Variants in TLR3 observed in about 807,000 individuals in gnomAD.
The protein encoded by TLR3 is toll-like receptor 3.
TLR3 carries 43 observed loss-of-function variants against 66.4 expected under a neutral mutation model. The observed-to-expected ratio is 0.65, with a 90% confidence interval of 0.51 to 0.83. TLR3 has a LOEUF of 0.83. TLR3 is among the 40% of genes least tolerant of loss of function. The pLI, the probability that TLR3 is intolerant of heterozygous loss-of-function variation, is 0.00. For synonymous variants in TLR3, 397 were observed against 397.2 expected (o/e 1.00, Z 0.01); for missense variants, 982 against 1,044.6 (o/e 0.94, Z 0.83).
chr4:186,087,489 T>A lies in TLR3; in HGVS notation c.*2616T>A, dbSNP rs1163650024. 6.6e-6 allele frequency: 1 copy of A among 152,222 alleles called. No individual in the cohort carries two copies. The highest frequency in any genetic ancestry group is 1.5e-5 in the Non-Finnish European group (1 of 68,058). 9.4% of individuals were successfully genotyped at this position (152,222 alleles called of 1,614,324 possible). On this transcript the variant is annotated 3_prime_UTR_variant, in exon 5 of 5. Coordinates refer to ENST00000296795, the MANE Select transcript of TLR3 (RefSeq NM_003265.3). ...ATTTGCCCAAGTGACTTGACTTGTT[T>A]GAATCCTCTCAGGGTGCCATCATGT... is the stretch of plus-strand genomic sequence containing the variant.
At position 186,078,734 on chromosome 4, in the gene TLR3, G is replaced by C. The variant is rs989910960; in HGVS notation, c.442-106G>C. 4 of 836,708 alleles carry C rather than the reference G, an allele frequency of 4.8e-6. No homozygotes were observed. In the African/African-American group the frequency reaches 6.8e-5, roughly 14 times the overall value. The allele number at this position is 836,708 out of a possible 1,614,324, so 51.8% of individuals were successfully genotyped here. On this transcript the variant is annotated intron_variant, in intron 2 of 4. Transcript: ENST00000296795. ...TGTTAGTATTCTACAGAATAATAGA[G>C]AGGTGTTGATTTTGCTGTTGAAGTA...
Position 186,082,201 on chromosome 4 carries a change from G to C in TLR3, c.634-119G>C, listed in dbSNP as rs1393159282. 3.4e-6 allele frequency: 3 copies of C among 887,624 alleles called. No individual in the cohort carries two copies. In the East Asian group the frequency reaches 8.7e-5, roughly 26 times the overall value. The allele number at this position is 887,624 out of a possible 1,614,324, so 55.0% of individuals were successfully genotyped here. A position where few individuals can be genotyped will look rare whatever the true frequency, so the allele number is the denominator to read the frequency against. Reference sequence around the variant, plus strand: ...GATTGCACTGCTGTACTCCAGCCTGGGCGACAGAGCGAGACTCCGTCTCAA... The same window carrying C: ...GATTGCACTGCTGTACTCCAGCCTGCGCGACAGAGCGAGACTCCGTCTCAA... On this transcript the variant is annotated intron_variant, in intron 3 of 4. Transcript: ENST00000296795.
At chr4:186,073,631 A>AT (rs1183703301) in intron 1 of TLR3, among the ~76,000 whole-genome samples, 12 of 152,196 alleles carry the variant, frequency 7.9e-5, no homozygotes. Flanking sequence ...ACACCTTCAC[A>AT]TAGAAGCTAA....
chr4:186,080,406 T>G (rs923007847), intron 3 of TLR3, among the ~76,000 whole-genome samples: 24 of 151,998 alleles, frequency 1.6e-4, no homozygotes, highest in African/African-American at 5.6e-4. Flanking sequence ...ACAACCACTG[T>G]TAGCATTTGG....
At chr4:186,082,204 G>A (rs886980737) in intron 3 of TLR3, 116 bp from the exon 4 acceptor site, 13 of 896,944 alleles carry the variant, frequency 1.4e-5, no homozygotes, top group East Asian at 5.8e-5. Flanking sequence ...CAGCCTGGGC[G>A]ACAGAGCGAG....
Position 186,078,854 on chromosome 4 carries a change from A to G in TLR3, c.456A>G (p.Leu152=). The change falls in exon 3 of 5, where the codon TTA becomes TTG. Residue 152 remains leucine, a synonymous_variant. Coordinates refer to ENST00000296795, the MANE Select transcript of TLR3 (RefSeq NM_003265.3). ...PFVKQKNLIT[L]DLSHNGLSST... is the part of the protein sequence containing the mutation. ...TTTCCCTTCAGAATTTAATCACATT[A>G]GATCTGTCTCATAATGGCTTGTCAT... 1 of 1,613,960 alleles carries G rather than the reference A, an allele frequency of 6.2e-7. No homozygotes were observed. The highest frequency in any genetic ancestry group is 8.5e-7 in the Non-Finnish European group (1 of 1,179,892).
chr4:186,071,071 G>C (rs140926643), intron 1 of TLR3, among the ~76,000 whole-genome samples: 6 of 152,274 alleles, frequency 3.9e-5, no homozygotes, highest in African/African-American at 1.4e-4. Flanking sequence ...TTTTCCAGTG[G>C]TTCATGTTAC....
intron 3 of TLR3, among the ~76,000 whole-genome samples, chr4:186,080,148 C>T (rs186125729): frequency 6.6e-6 from 1 of 152,200 alleles, no homozygotes; most frequent in Non-Finnish European, 1.5e-5. Flanking sequence ...CATTTTGTTC[C>T]AGGCTATAAG....
At position 186,076,927 on chromosome 4, in the gene TLR3, T is replaced by C. The variant is rs1452503366; in HGVS notation, c.308T>C (p.Val103Ala). The C allele has an allele frequency of 1.2e-6, 2 of 1,614,152 alleles. No homozygotes were observed. Among genetic ancestry groups the C allele is most frequent in the Admixed American group, 3.3e-5 (2 of 60,016 alleles). The stretch of plus-strand genomic sequence containing the variant: ...TGCCAGAAACTTCCCATGTTAAAAG[T>C]TTTGAACCTCCAGCACAATGAGCTA... ...ELCQKLPMLK[V>A]LNLQHNELSQ... Residue 103 changes from valine (V) to alanine (A), a missense_variant, in exon 2 of 5, where the codon GTT becomes GCT. By Grantham distance (64) the Val-to-Ala change is moderately conservative. Coordinates refer to ENST00000296795, the MANE Select transcript of TLR3 (RefSeq NM_003265.3).
chr4:186,085,108 CTACTGATTAAT>C lies in TLR3; in HGVS notation c.*236_*246del, dbSNP rs1210665515. 5.7e-6 allele frequency: 3 copies of C among 527,312 alleles called. No homozygotes were observed. The highest frequency in any genetic ancestry group is 1.0e-5 in the Non-Finnish European group (3 of 297,306). The allele number at this position is 527,312 out of a possible 1,614,324, so 32.7% of individuals were successfully genotyped here. A position where few individuals can be genotyped will look rare whatever the true frequency, so the allele number is the denominator to read the frequency against. ...ACATATAAGCACGTAAGAACATTGT[CTACTGATTAAT>C]ATACAATCAGCCACTGAGCCTATGA... On this transcript the variant is annotated 3_prime_UTR_variant, in exon 5 of 5. Transcript: ENST00000296795.
intron 1 of TLR3, among the ~76,000 whole-genome samples, chr4:186,069,829 T>C (rs2099301129): frequency 6.6e-6 from 1 of 152,222 alleles, no homozygotes; most frequent in African/African-American, 2.4e-5. Flanking sequence ...CAGAAACTGG[T>C]ATCGGCAATT....
chr4:186,072,312 T>A (rs900672311), intron 1 of TLR3, among the ~76,000 whole-genome samples: 5 of 152,114 alleles, frequency 3.3e-5, no homozygotes, highest in African/African-American at 1.2e-4. Flanking sequence ...TTTTTTATTA[T>A]TTATTTTGGG....
At chr4:186,070,963 G>A (rs532423845) in intron 1 of TLR3, among the ~76,000 whole-genome samples, 1 of 152,198 alleles carries the variant, frequency 6.6e-6, no homozygotes, top group Non-Finnish European at 1.5e-5. Context: ...CTTCTAAAGT[G>A]CCGGGATTGT....
intron 1 of TLR3, among the ~76,000 whole-genome samples, chr4:186,069,637 G>A (rs1320832808): frequency 3.3e-5 from 5 of 152,164 alleles, no homozygotes; most frequent in Non-Finnish European, 5.9e-5. Context: ...TTAAAAGAGC[G>A]TATCCCCTTT....
chr4:186,076,872 A>C lies in TLR3; in HGVS notation c.253A>C (p.Asn85His). 1 of 1,614,180 alleles carries C rather than the reference A, an allele frequency of 6.2e-7. No individual in the cohort carries two copies. Among genetic ancestry groups the C allele is most frequent in the Non-Finnish European group, 8.5e-7 (1 of 1,180,038 alleles). ...SQLTSLDVGF[N>H]TISKLEPELC... is the part of the protein sequence containing the mutation. Reference sequence around the variant, plus strand: ...GCTAACTAGCTTGGATGTAGGATTTAACACCATCTCAAAACTGGAGCCAGA... The same window carrying C: ...GCTAACTAGCTTGGATGTAGGATTTCACACCATCTCAAAACTGGAGCCAGA... Residue 85 changes from asparagine to histidine, a missense_variant, in exon 2 of 5, where the codon AAC becomes CAC. Asn to His is a moderately conservative substitution (Grantham distance 68, BLOSUM62 1). Transcript: ENST00000296795.
intron 1 of TLR3, among the ~76,000 whole-genome samples, chr4:186,073,763 A>G (rs2099301935): frequency 6.6e-6 from 1 of 152,164 alleles, no homozygotes; most frequent in Non-Finnish European, 1.5e-5. Flanking sequence ...CATAATTAAG[A>G]AGACATCAGT....
Position 186,083,960 on chromosome 4 carries a change from A to G in TLR3, c.2274A>G (p.Ala758=), listed in dbSNP as rs991423812. Reference sequence around the variant, plus strand: ...AGACAGAACAGTTTGAATATGCAGCATATATAATTCATGCCTATAAAGATA... The same window carrying G: ...AGACAGAACAGTTTGAATATGCAGCGTATATAATTCATGCCTATAAAGATA... ...DRQTEQFEYA[A]YIIHAYKDKD... is the part of the protein sequence containing the mutation. Residue 758 remains alanine (A), a synonymous_variant, in exon 4 of 5, where the codon GCA becomes GCG. Coordinates refer to ENST00000296795, the MANE Select transcript of TLR3 (RefSeq NM_003265.3). This position sits in a 1 kb window ranked among gnomAD's most constrained non-coding sequence, Gnocchi z 4.0. 6.2e-7 allele frequency: 1 copy of G among 1,614,160 alleles called. No individual in the cohort carries two copies. Among genetic ancestry groups the G allele is most frequent in the Non-Finnish European group, 8.5e-7 (1 of 1,180,030 alleles).
chr4:186,084,008 C>T lies in TLR3; in HGVS notation c.2322C>T (p.Phe774=). Reference sequence around the variant, plus strand: ...ATAAGGATTGGGTCTGGGAACATTTCTCTTCAATGGAAAAGGAAGACCAAT... The same window carrying T: ...ATAAGGATTGGGTCTGGGAACATTTTTCTTCAATGGAAAAGGAAGACCAAT... ...YKDKDWVWEH[F]SSMEKEDQSL... The change falls in exon 4 of 5, where the codon TTC becomes TTT. Residue 774 remains phenylalanine (F), a synonymous_variant. Coordinates refer to ENST00000296795, the MANE Select transcript of TLR3 (RefSeq NM_003265.3). 6.2e-7 allele frequency: 1 copy of T among 1,614,112 alleles called. No individual in the cohort carries two copies. The highest frequency in any genetic ancestry group is 1.1e-5 in the South Asian group (1 of 91,078).
intron 1 of TLR3, among the ~76,000 whole-genome samples, chr4:186,070,603 G>C (rs1344615484): frequency 6.6e-6 from 1 of 152,098 alleles, no homozygotes; most frequent in Non-Finnish European, 1.5e-5. Flanking sequence ...GCCCAGGCTG[G>C]TCCCAAACTC....
Sources: gnomAD v4.1 joint callset for allele counts (sites outside exome capture counted in the v4.1 genomes callset) on GRCh38, gnomAD v4.1.1 for gene constraint, Gnocchi (gnomAD v3.1) non-coding constraint, MANE v1.5 for transcripts, NCBI Gene and HGNC (gene_info 2026-07-23, HGNC 2026-07-21) for gene names.